Variants in COL11A2 observed in about 807,000 individuals in gnomAD.
COL11A2 encodes collagen type XI alpha 2 chain, also known as collagen alpha-2(XI) chain.
Under a neutral mutation model 273.4 loss-of-function variants are expected in COL11A2, and 116 were observed. The observed-to-expected ratio is 0.42, with a 90% CI of 0.36 to 0.49. COL11A2 has a LOEUF of 0.49. Ranked by LOEUF, COL11A2 falls within the 20% of genes least tolerant of loss-of-function variation. COL11A2 has a pLI of 0.00. For missense variants in COL11A2, 1,866 were observed against 2,309.0 expected (o/e 0.81, Z 3.93); for synonymous variants, 782 against 864.2 (o/e 0.90, Z 1.67).
rs1341497995 is a variant in COL11A2, at chr6:33,166,350, G to A, written c.4393-144C>T. The A allele has an allele frequency of 1.6e-6, 2 of 1,284,442 alleles. No individual in the cohort carries two copies. The highest frequency in any genetic ancestry group is 1.4e-5 in the South Asian group (1 of 71,444). The allele number at this position is 1,284,442 out of a possible 1,614,324, so 79.6% of individuals were successfully genotyped here. A position where few individuals can be genotyped will look rare whatever the true frequency, so the allele number is the denominator to read the frequency against. On this transcript the variant is annotated intron_variant, in intron 60 of 65. Coordinates refer to ENST00000341947, the MANE Select transcript of COL11A2 (RefSeq NM_080680.3). This position sits in a 1 kb window ranked among gnomAD's most constrained non-coding sequence, Gnocchi z 4.8. ...TTGTGGGAATACTAGGACATTCAGA[G>A]CCCTGGAAGTATGGGGAGGAGGTAC... is the stretch of plus-strand genomic sequence containing the variant.
intron 5 of COL11A2, among the ~76,000 whole-genome samples, chr6:33,186,147 C>T (rs1219580621): frequency 6.6e-6 from 1 of 151,970 alleles, no homozygotes; most frequent in Non-Finnish European, 1.5e-5. Context: ...CTTTTCCTGC[C>T]CCTCCAGGTA....
Position 33,177,541 on chromosome 6 carries a change from G to A in COL11A2, c.1918-76C>T. On this transcript the variant is annotated intron_variant, in intron 22 of 65. Coordinates refer to ENST00000341947, the MANE Select transcript of COL11A2 (RefSeq NM_080680.3). The surrounding 1 kb of genome is among the most constrained non-coding windows in gnomAD (Gnocchi z 5.9). ...ATTTAGAGCATGGAGCTGAGTCCCA[G>A]CAGCGATAGCCAAGAAGGCAAGAGC... 1 of 1,586,730 alleles carries A rather than the reference G, an allele frequency of 6.3e-7. No individual in the cohort carries two copies. Among genetic ancestry groups the A allele is most frequent in the Admixed American group, 1.7e-5 (1 of 59,062 alleles).
rs1562365458 is a variant in COL11A2 at position 33,180,596 on chromosome 6, CATG to C, written c.1284+69_1284+71del. ...AGCCACCTAACAGGAAATTACTGGG[CATG>C]GTAGCCCCCCGCTTGGATACCACTA... On this transcript the variant is annotated intron_variant, in intron 11 of 65. Transcript: ENST00000341947. The C allele has an allele frequency of 5.7e-5, 80 of 1,395,790 alleles. 2 individuals are homozygous for C. The South Asian group carries it at 9.6e-4, about 17-fold the overall frequency. 86.5% of individuals were successfully genotyped at this position (1,395,790 alleles called of 1,614,324 possible). A position where few individuals can be genotyped will look rare whatever the true frequency, so the allele number is the denominator to read the frequency against.
Position 33,175,586 on chromosome 6 carries a change from G to C in COL11A2, c.2364C>G (p.Leu788=), listed in dbSNP as rs1348847925. 6 of 1,612,606 alleles carry C rather than the reference G, an allele frequency of 3.7e-6. No homozygotes were observed. The South Asian group carries it at 4.4e-5, about 12-fold the overall frequency. The change falls in exon 30 of 66, where the codon CTC becomes CTG. Residue 788 remains leucine (L), a synonymous_variant. Transcript: ENST00000341947. ...CTCATCCCATCACCTTCTCGCCCATGAGCCCTGGGGGCCCAGGGTCTCCAG... is the reference window on the plus strand; with the variant it reads ...CTCATCCCATCACCTTCTCGCCCATCAGCCCTGGGGGCCCAGGGTCTCCAG... The part of the protein sequence containing the change: ...GPTGDPGPPG[L]MGEKGKLGVP...
chr6:33,179,566 T>C lies in COL11A2; in HGVS notation c.1447-79A>G. On this transcript the variant is annotated intron_variant, in intron 13 of 65. Coordinates refer to ENST00000341947, the MANE Select transcript of COL11A2 (RefSeq NM_080680.3). The surrounding 1 kb of genome is among the most constrained non-coding windows in gnomAD (Gnocchi z 6.4). Reference sequence around the variant, plus strand: ...CCCCAGCACTCTCCAAATTCACCCTTCCTCTCCTGATCCTCATCCACTGCC... The same window carrying C: ...CCCCAGCACTCTCCAAATTCACCCTCCCTCTCCTGATCCTCATCCACTGCC... 6.8e-7 allele frequency: 1 copy of C among 1,461,322 alleles called. No individual in the cohort carries two copies. The highest frequency in any genetic ancestry group is 9.4e-7 in the Non-Finnish European group (1 of 1,066,170). The allele number at this position is 1,461,322 out of a possible 1,614,324, so 90.5% of individuals were successfully genotyped here.
intron 8 of COL11A2, 135 bp from the exon 9 acceptor site, chr6:33,181,305 C>A: frequency 1.1e-6 from 1 of 895,512 alleles, no homozygotes; most frequent in African/African-American, 1.6e-5. Flanking sequence ...AGCCCCACAG[C>A]CCTCCCCTAA....
At position 33,176,332 on chromosome 6, in the gene COL11A2, C is replaced by T. The variant is rs1232528583; in HGVS notation, c.2170-29G>A. 6.2e-7 allele frequency: 1 copy of T among 1,602,500 alleles called. No individual in the cohort carries two copies. Among genetic ancestry groups the T allele is most frequent in the Admixed American group, 1.7e-5 (1 of 58,158 alleles). ...GAATTAGAGAGGGGATAGAAGTAGA[C>T]TGATCAGGGGATGGAGGTGGGTTGG... On this transcript the variant is annotated intron_variant, in intron 27 of 65. Coordinates refer to ENST00000341947, the MANE Select transcript of COL11A2 (RefSeq NM_080680.3). This position sits in a 1 kb window ranked among gnomAD's most constrained non-coding sequence, Gnocchi z 4.9.
Position 33,189,104 on chromosome 6 carries a change from GCA to G in COL11A2, c.315_316del (p.Ala106ProfsTer19). The G allele has an allele frequency of 6.2e-7, 1 of 1,614,160 alleles. No individual in the cohort carries two copies. The highest frequency in any genetic ancestry group is 8.5e-7 in the Non-Finnish European group (1 of 1,180,002). On this transcript the variant is annotated frameshift_variant, in exon 3 of 66. Coordinates refer to ENST00000341947, the MANE Select transcript of COL11A2 (RefSeq NM_080680.3). LOFTEE classifies it high-confidence loss of function. This position sits in a 1 kb window ranked among gnomAD's most constrained non-coding sequence, Gnocchi z 5.6. ...CAGGCCCAGCTGTCGGACACCCTGG[GCA>G]CTGTAGAGAGTCAGGAGGGGAGCTT...
chr6:33,182,603 C>T (rs961101608), intron 8 of COL11A2, among the ~76,000 whole-genome samples: 3 of 150,472 alleles, frequency 2.0e-5, no homozygotes, highest in Admixed American at 2.0e-4. Context: ...CCCAGCTACT[C>T]GGGAGGCTGA....
Position 33,166,373 on chromosome 6 carries a change from T to C in COL11A2, c.4392+140A>G. ...GAGCCCTGGAAGTATGGGGAGGAGG[T>C]ACTGGTGGTGACAGGACAAATGGGG... is the stretch of plus-strand genomic sequence containing the variant. On this transcript the variant is annotated intron_variant, in intron 60 of 65. Transcript: ENST00000341947. The surrounding 1 kb of genome is among the most constrained non-coding windows in gnomAD (Gnocchi z 4.8). The C allele has an allele frequency of 8.1e-7, 1 of 1,239,542 alleles. No homozygotes were observed. The allele number at this position is 1,239,542 out of a possible 1,614,324, so 76.8% of individuals were successfully genotyped here. A position where few individuals can be genotyped will look rare whatever the true frequency, so the allele number is the denominator to read the frequency against.
chr6:33,172,128 A>T (rs749914020), intron 40 of COL11A2, 25 bp from the exon 41 acceptor site: 3 of 1,612,534 alleles, frequency 1.9e-6, no homozygotes, highest in Non-Finnish European at 2.5e-6. Context: ...TTTGGGGAAG[A>T]TGAGACTTCA....
chr6:33,173,141 T>G lies in COL11A2; in HGVS notation c.2737-28A>C. On this transcript the variant is annotated intron_variant, in intron 37 of 65. Coordinates refer to ENST00000341947, the MANE Select transcript of COL11A2 (RefSeq NM_080680.3). The surrounding 1 kb of genome is among the most constrained non-coding windows in gnomAD (Gnocchi z 6.3). ...AGGCGAGGAAGAGAGGAGAATGCAG[T>G]GAAAGCAGGTGTGGGCGCTGTGGGG... The G allele has an allele frequency of 6.2e-7, 1 of 1,603,900 alleles. No individual in the cohort carries two copies. The highest frequency in any genetic ancestry group is 1.1e-5 in the South Asian group (1 of 89,722).
Position 33,177,723 on chromosome 6 carries a change from G to A in COL11A2, c.1873-17C>T. 1 of 1,612,938 alleles carries A rather than the reference G, an allele frequency of 6.2e-7. No individual in the cohort carries two copies. On this transcript the variant is annotated splice_polypyrimidine_tract_variant and intron_variant, in intron 21 of 65. Transcript: ENST00000341947. The surrounding 1 kb of genome is among the most constrained non-coding windows in gnomAD (Gnocchi z 5.9). ...TCGGACGCCCTGAAACACAAGATGG[G>A]TGTGAGCAGCCTGAAGGTGGCCCGG...
chr6:33,179,796 C>T lies in COL11A2; in HGVS notation c.1369G>A (p.Gly457Ser), dbSNP rs1771490718. The change falls in exon 13 of 66, where the codon GGC becomes AGC. Residue 457 changes from glycine to serine, a missense_variant. By Grantham distance (56) the Gly-to-Ser change is moderately conservative. Transcript: ENST00000341947. This position sits in a 1 kb window ranked among gnomAD's most constrained non-coding sequence, Gnocchi z 6.4. The stretch of plus-strand genomic sequence containing the variant: ...GGGCCCTTGTCACCCCCACCACTGC[C>T]AAACCGGAACTGAGGTCAAGGAGAG... ...GTSLMLPFRF[G>S]SGGGDKGPVV... 1 of 1,611,458 alleles carries T rather than the reference C, an allele frequency of 6.2e-7. No homozygotes were observed. The highest frequency in any genetic ancestry group is 8.5e-7 in the Non-Finnish European group (1 of 1,179,992).
chr6:33,170,706 GCA>G lies in COL11A2; in HGVS notation c.3475-98_3475-97del. 4 of 1,585,316 alleles carry G rather than the reference GCA, an allele frequency of 2.5e-6. No individual in the cohort carries two copies. The highest frequency in any genetic ancestry group is 3.5e-6 in the Non-Finnish European group (4 of 1,155,248). On this transcript the variant is annotated intron_variant, in intron 46 of 65. Transcript: ENST00000341947. The surrounding 1 kb of genome is among the most constrained non-coding windows in gnomAD (Gnocchi z 4.3). ...CCACAGTCCCCTCCCCTCAGACTCCGCAGGCCCTCCAGTCTGCATCGGCAGGC... is the reference window on the plus strand; with the variant it reads ...CCACAGTCCCCTCCCCTCAGACTCCGGGCCCTCCAGTCTGCATCGGCAGGC...
intron 53 of COL11A2, 21 bp downstream of exon 53, chr6:33,168,685 G>A (rs763955819): frequency 2.3e-5 from 37 of 1,589,660 alleles, no homozygotes; most frequent in Non-Finnish European, 3.1e-5. Flanking sequence ...CAGGGGGGTG[G>A]TGGGGTCACC....
chr6:33,182,478 G>A (rs1264145758), intron 8 of COL11A2, among the ~76,000 whole-genome samples: 3 of 152,234 alleles, frequency 2.0e-5, no homozygotes, highest in South Asian at 2.1e-4. Context: ...TTGTGGGGCC[G>A]AAACAGGCAG....
Position 33,163,664 on chromosome 6 carries a change from A to C in COL11A2, c.*14T>G, listed in dbSNP as rs767560985. 3 of 1,613,038 alleles carry C rather than the reference A, an allele frequency of 1.9e-6. No homozygotes were observed. The highest frequency in any genetic ancestry group is 2.5e-6 in the Non-Finnish European group (3 of 1,179,996). On this transcript the variant is annotated 3_prime_UTR_variant, in exon 66 of 66. Coordinates refer to ENST00000341947, the MANE Select transcript of COL11A2 (RefSeq NM_080680.3). The surrounding 1 kb of genome is among the most constrained non-coding windows in gnomAD (Gnocchi z 4.1). ...GGCCTGGTTCCGAATGGACAGGATCAGACAGAGACGGTCCTATCCCATGAA... is the reference window on the plus strand; with the variant it reads ...GGCCTGGTTCCGAATGGACAGGATCCGACAGAGACGGTCCTATCCCATGAA...
chr6:33,167,358 C>A lies in COL11A2; in HGVS notation c.4123-41G>T, dbSNP rs1290337854. On this transcript the variant is annotated intron_variant, in intron 56 of 65. Coordinates refer to ENST00000341947, the MANE Select transcript of COL11A2 (RefSeq NM_080680.3). This position sits in a 1 kb window ranked among gnomAD's most constrained non-coding sequence, Gnocchi z 6.1. Reference sequence around the variant, plus strand: ...GGCCACAGGGGTCAGGAGGAGCATCCCCACACTGCACCCCTCCCATGGCCC... The same window carrying A: ...GGCCACAGGGGTCAGGAGGAGCATCACCACACTGCACCCCTCCCATGGCCC... 1.2e-6 allele frequency: 2 copies of A among 1,612,780 alleles called. No homozygotes were observed. Among genetic ancestry groups the A allele is most frequent in the East Asian group, 4.5e-5 (2 of 44,860 alleles).
Sources: gnomAD v4.1 joint callset for allele counts (sites outside exome capture counted in the v4.1 genomes callset) on GRCh38, gnomAD v4.1.1 for gene constraint, Gnocchi (gnomAD v3.1) non-coding constraint, MANE v1.5 for transcripts, NCBI Gene and HGNC (gene_info 2026-07-23, HGNC 2026-07-21) for gene names.